The following ECE1 variants were observed in gnomAD, a reference collection of about 807,000 sequenced individuals.
The protein encoded by ECE1 is endothelin-converting enzyme 1.
ECE1 carries 35 observed loss-of-function variants against 98.6 expected under a neutral mutation model. The ratio of observed to expected loss-of-function variants is 0.35; its 90% CI spans 0.27 to 0.47. ECE1 has a LOEUF of 0.47. Among genes scored for constraint, ECE1 ranks in the 20% least tolerant of loss-of-function variants. The probability of loss-of-function intolerance (pLI) is 1.00; values close to 1 mark genes in which losing one functional copy is unlikely to be tolerated. For missense variants in ECE1, 814 were observed against 1,025.3 expected, an observed-to-expected ratio of 0.79 and a Z score of 2.81; for synonymous variants, 394 against 407.1, an observed-to-expected ratio of 0.97 and a Z score of 0.39.
intron 1 of ECE1, among the ~76,000 whole-genome samples, chr1:21,301,295 C>A (rs527766376): frequency 1.3e-5 from 2 of 151,844 alleles, no homozygotes; most frequent in Non-Finnish European, 2.9e-5. Context: ...GAGATAGAGA[C>A]CATCCTGGCT....
chr1:21,242,495 G>C (rs2098197828), intron 10 of ECE1, among the ~76,000 whole-genome samples: 1 of 152,216 alleles, frequency 6.6e-6, no homozygotes, highest in African/African-American at 2.4e-5. Context: ...GTGGCTTTGA[G>C]TTGGGCTGAA....
chr1:21,228,938 T>C (rs1573934745), intron 14 of ECE1, among the ~76,000 whole-genome samples: 1 of 142,084 alleles, frequency 7.0e-6, no homozygotes, highest in Non-Finnish European at 1.5e-5. Context: ...CCCCCCGGGG[T>C]TCACGCCATT....
intron 14 of ECE1, among the ~76,000 whole-genome samples, chr1:21,231,737 C>T (rs2098181998): frequency 6.6e-6 from 1 of 152,172 alleles, no homozygotes; most frequent in Non-Finnish European, 1.5e-5. Context: ...TCACCGCAAC[C>T]TCAACCTCCT....
chr1:21,272,717 T>C lies in ECE1; in HGVS notation c.475A>G (p.Ile159Val). Reference sequence around the variant, plus strand: ...TGCTTACCGAGGAGGTGCTTGATGATTGCTTGGTTGTGTTCCCAGAGGTTG... The same window carrying C: ...TGCTTACCGAGGAGGTGCTTGATGACTGCTTGGTTGTGTTCCCAGAGGTTG... ...FSNLWEHNQA[I>V]IKHLLENSTA... Residue 159 changes from isoleucine to valine, a missense_variant, in exon 4 of 19, where the codon ATC becomes GTC. Ile to Val is a conservative substitution (Grantham distance 29, BLOSUM62 3). Transcript: ENST00000374893. 6.2e-7 allele frequency: 1 copy of C among 1,614,248 alleles called. No individual in the cohort carries two copies. Among genetic ancestry groups the C allele is most frequent in the Non-Finnish European group, 8.5e-7 (1 of 1,180,036 alleles).
upstream of ECE1, among the ~76,000 whole-genome samples, chr1:21,291,971 T>TAC (rs1046568946): frequency 6.8e-6 from 1 of 147,798 alleles, no homozygotes; most frequent in African/African-American, 2.5e-5. Flanking sequence ...AAAAAGAAAA[T>TAC]ATATATATAT....
intron 11 of ECE1, among the ~76,000 whole-genome samples, chr1:21,237,260 G>A (rs212503): frequency 0.01 from 1,580 of 152,236 alleles, 20 homozygotes; most frequent in African/African-American, 0.037. Flanking sequence ...GAGTACTCAT[G>A]TTCCGAGGAG....
chr1:21,290,159 G>T lies in ECE1; in HGVS notation c.52-3C>A. ...GTGGCCCGCTTGTACGTCGACATCT[G>T]CAAGGCCAAATGCAGCACGGACTCC... On this transcript the variant is annotated splice_region_variant and splice_polypyrimidine_tract_variant and intron_variant, in intron 1 of 18. Coordinates refer to ENST00000374893, the MANE Select transcript of ECE1 (RefSeq NM_001397.3). The surrounding 1 kb of genome is among the most constrained non-coding windows in gnomAD (Gnocchi z 7.3). 1 of 1,563,924 alleles carries T rather than the reference G, an allele frequency of 6.4e-7. No homozygotes were observed.
At chr1:21,289,973 A>G (rs1569671635) in intron 2 of ECE1, 97 bp downstream of exon 2, 1 of 1,145,840 alleles carries the variant, frequency 8.7e-7, no homozygotes, top group East Asian at 3.5e-5. Context: ...AGGGAGGGGA[A>G]GAGGCGGGGT....
chr1:21,289,481 G>T (rs148198950), intron 2 of ECE1, among the ~76,000 whole-genome samples: 25 of 152,292 alleles, frequency 1.6e-4, no homozygotes, highest in African/African-American at 5.1e-4. Context: ...ACCCTGGGGA[G>T]GGGAGGAATT....
chr1:21,237,256 T>C (rs185973249), intron 11 of ECE1, among the ~76,000 whole-genome samples: 1 of 152,262 alleles, frequency 6.6e-6, no homozygotes, highest in African/African-American at 2.4e-5. Context: ...TCTAGAGTAC[T>C]CATGTTCCGA....
At chr1:21,230,589 T>A (rs1414137190) in intron 14 of ECE1, among the ~76,000 whole-genome samples, 2 of 152,142 alleles carry the variant, frequency 1.3e-5, no homozygotes, top group African/African-American at 2.4e-5. Flanking sequence ...GGTTTCACCA[T>A]CTTGGCAATG....
At chr1:21,253,034 A>ATTATT (rs149724130) in intron 8 of ECE1, among the ~76,000 whole-genome samples, 2,381 of 147,828 alleles carry the variant, frequency 0.016, 24 homozygotes, top group Non-Finnish European at 0.023. Context: ...GGACTTCTTT[A>ATTATT]TTATTTTATT....
rs536062990 is a variant in ECE1 at position 21,256,130 on chromosome 1, G to A, written c.837C>T (p.Thr279=). The change falls in exon 8 of 19, where the codon ACC becomes ACT. Residue 279 remains threonine, a synonymous_variant. Transcript: ENST00000374893. ...GCTGGACCATGTAGTTCAGATATCC[G>A]GTCAGCACCTGCAGGGCCCATACCC... The part of the protein sequence containing the change: ...LNKTENEKVL[T]GYLNYMVQLG... The A allele has an allele frequency of 1.9e-5, 30 of 1,601,490 alleles. No homozygotes were observed. The highest frequency in any genetic ancestry group is 1.1e-4 in the East Asian group (5 of 44,482).
chr1:21,257,494 A>G, intron 7 of ECE1, 31 bp downstream of exon 7: 1 of 1,612,960 alleles, frequency 6.2e-7, no homozygotes, highest in Non-Finnish European at 8.5e-7. Flanking sequence ...CCGTGCTGGG[A>G]GGCAGGCTGG....
chr1:21,276,684 C>CTTTTT (rs1163785168), intron 3 of ECE1, among the ~76,000 whole-genome samples: 4 of 124,580 alleles, frequency 3.2e-5, no homozygotes, highest in African/African-American at 5.7e-5. Context: ...GATTTGCTTT[C>CTTTTT]TTTTTTTTTT....
At position 21,258,764 on chromosome 1, in the gene ECE1, A is replaced by G. The variant is rs1272650569; in HGVS notation, c.691T>C (p.Tyr231His). 1 of 1,614,090 alleles carries G rather than the reference A, an allele frequency of 6.2e-7. No homozygotes were observed. Among genetic ancestry groups the G allele is most frequent in the Non-Finnish European group, 8.5e-7 (1 of 1,180,032 alleles). Reference protein sequence around the residue: ...QDTLQVVTAHYRTSPFFSVYV... With the variant: ...QDTLQVVTAHHRTSPFFSVYV... ...ACAGAGAAGAAGGGTGAGGTGCGGT[A>G]GTGGGCGGTGACCACCTGCAGGGTG... Residue 231 changes from tyrosine (Y) to histidine (H), a missense_variant, in exon 6 of 19, where the codon TAC becomes CAC. Physicochemically the swap from Tyr to His is moderately conservative, Grantham distance 83. Coordinates refer to ENST00000374893, the MANE Select transcript of ECE1 (RefSeq NM_001397.3). This position sits in a 1 kb window ranked among gnomAD's most constrained non-coding sequence, Gnocchi z 4.2.
intron 1 of ECE1, chr1:21,344,980 T>C: frequency 6.2e-6 from 1 of 160,582 alleles, no homozygotes; most frequent in Non-Finnish European, 1.4e-5. Flanking sequence ...TCCAGGCACC[T>C]CGAAATCGCC....
intron 10 of ECE1, among the ~76,000 whole-genome samples, chr1:21,241,261 C>G (rs2098195843): frequency 6.6e-6 from 1 of 152,016 alleles, no homozygotes. Flanking sequence ...GTCTCGAACT[C>G]CTGACATCAG....
intron 3 of ECE1, among the ~76,000 whole-genome samples, chr1:21,274,374 G>A (rs763379824): frequency 5.9e-5 from 9 of 152,206 alleles, no homozygotes; most frequent in Non-Finnish European, 1.0e-4. Flanking sequence ...GTGGGCTTTG[G>A]AGGCCACTAG....
Sources: gnomAD v4.1 joint callset for allele counts (sites outside exome capture counted in the v4.1 genomes callset) on GRCh38, gnomAD v4.1.1 for gene constraint, Gnocchi (gnomAD v3.1) non-coding constraint, MANE v1.5 for transcripts, NCBI Gene and HGNC (gene_info 2026-07-23, HGNC 2026-07-21) for gene names.